The following STK11IP variants were observed in gnomAD, a reference collection of about 807,000 sequenced individuals.
STK11IP encodes the protein serine/threonine-protein kinase 11-interacting protein.
In STK11IP, 103 loss-of-function variants were observed where a neutral mutation model predicts 131.7. That is an observed-to-expected ratio of 0.78 (90% CI 0.67 to 0.92). The LOEUF (loss-of-function observed/expected upper bound fraction) is 0.92. Among genes scored for constraint, STK11IP ranks in the 40% least tolerant of loss-of-function variants. The pLI, the probability that STK11IP is intolerant of heterozygous loss-of-function variation, is 0.00. For missense variants in STK11IP, 1,315 were observed against 1,385.7 expected (o/e 0.95, Z 0.81); for synonymous variants, 557 against 575.6 (o/e 0.97, Z 0.46).
At position 219,597,893 on chromosome 2, in the gene STK11IP, A is replaced by C; in HGVS notation, c.-57A>C. The C allele has an allele frequency of 6.2e-7, 1 of 1,610,086 alleles. No individual in the cohort carries two copies. The highest frequency in any genetic ancestry group is 8.5e-7 in the Non-Finnish European group (1 of 1,178,240). ...ATCATTGATAGGCGCCGGGCAGCTG[A>C]GCTGGTAGGAGGACCAGACGGGGAG... On this transcript the variant is annotated 5_prime_UTR_variant, in exon 1 of 25. Coordinates refer to ENST00000456909, the MANE Select transcript of STK11IP (RefSeq NM_052902.4).
At chr2:219,610,304 A>G (rs1305036558) in intron 17 of STK11IP, among the ~76,000 whole-genome samples, 1 of 152,120 alleles carries the variant, frequency 6.6e-6, no homozygotes, top group Non-Finnish European at 1.5e-5. Flanking sequence ...CCCCTCCCGG[A>G]CCCTGGCTGT....
intron 19 of STK11IP, 103 bp downstream of exon 19, chr2:219,612,161 T>C: frequency 9.3e-7 from 1 of 1,076,594 alleles, no homozygotes; most frequent in Non-Finnish European, 1.4e-6. Context: ...AGACCTGATC[T>C]GGCTTCTGGT....
chr2:219,616,309 C>A lies in STK11IP; in HGVS notation c.*116C>A. On this transcript the variant is annotated 3_prime_UTR_variant, in exon 25 of 25. Coordinates refer to ENST00000456909, the MANE Select transcript of STK11IP (RefSeq NM_052902.4). ...TGTGGATGTCTTCAGCCTCTGGGTG[C>A]TGGCCAGTGAGGTCCCAAATGACCC... 7.3e-7 allele frequency: 1 copy of A among 1,379,102 alleles called. No individual in the cohort carries two copies. The highest frequency in any genetic ancestry group is 9.7e-7 in the Non-Finnish European group (1 of 1,030,340). The allele number at this position is 1,379,102 out of a possible 1,614,324, so 85.4% of individuals were successfully genotyped here.
chr2:219,608,904 A>AGG (rs916470072), intron 15 of STK11IP, 116 bp downstream of exon 15: 2 of 1,259,902 alleles, frequency 1.6e-6, no homozygotes, highest in African/African-American at 3.0e-5. Context: ...GGAGCCGAGG[A>AGG]GGGGAGCCTC....
intron 12 of STK11IP, 26 bp from the exon 13 acceptor site, chr2:219,607,027 G>T (rs1178791588): frequency 6.2e-7 from 1 of 1,613,770 alleles, no homozygotes; most frequent in Admixed American, 1.7e-5. Context: ...GGCTTTCACA[G>T]AACTTCTTCC....
In STK11IP at chr2:219,598,150, T is replaced by TGGAAGCTCGCGGGGTTGCTGC; in HGVS notation, c.34_54dup (p.Lys12_Arg18dup). The stretch of plus-strand genomic sequence containing the variant: ...GACCGCTCAGAGGGACTCCCTGTTG[T>TGGAAGCTCGCGGGGTTGCTGC]GGAAGCTCGCGGGGTTGCTGCGGGA... On this transcript the variant is annotated inframe_insertion, in exon 2 of 25. Coordinates refer to ENST00000456909, the MANE Select transcript of STK11IP (RefSeq NM_052902.4). The TGGAAGCTCGCGGGGTTGCTGC allele has an allele frequency of 6.3e-7, 1 of 1,581,780 alleles. No homozygotes were observed. The highest frequency in any genetic ancestry group is 8.6e-7 in the Non-Finnish European group (1 of 1,163,624).
intron 2 of STK11IP, among the ~76,000 whole-genome samples, chr2:219,599,602 G>A (rs1479269272): frequency 6.6e-6 from 1 of 152,226 alleles, no homozygotes; most frequent in African/African-American, 2.4e-5. Context: ...GTGTGAATGT[G>A]TGACTACAAG....
intron 3 of STK11IP, 77 bp downstream of exon 3, chr2:219,601,517 C>G: frequency 1.3e-6 from 2 of 1,564,470 alleles, no homozygotes; most frequent in Non-Finnish European, 1.7e-6. Flanking sequence ...GGTAGGGGTG[C>G]AGAAGTCTGC....
At chr2:219,604,606 C>G (rs916589637) in intron 7 of STK11IP, among the ~76,000 whole-genome samples, 13 of 152,148 alleles carry the variant, frequency 8.5e-5, no homozygotes, top group African/African-American at 3.1e-4. Context: ...ATGGTTGGAG[C>G]AGACTATAAA....
intron 23 of STK11IP, 87 bp downstream of exon 23, chr2:219,614,633 G>T (rs746176896): frequency 3.8e-6 from 5 of 1,327,292 alleles, no homozygotes; most frequent in Non-Finnish European, 5.4e-6. Context: ...CCTGTACAGT[G>T]CCCTTGCAGC....
intron 7 of STK11IP, 41 bp from the exon 8 acceptor site, chr2:219,605,567 G>T: frequency 6.5e-7 from 1 of 1,549,470 alleles, no homozygotes; most frequent in South Asian, 1.2e-5. Context: ...GCTAGAGTTT[G>T]GTCAACGAGA....
chr2:219,604,794 G>T (rs1308785713), intron 7 of STK11IP, among the ~76,000 whole-genome samples: 1 of 151,922 alleles, frequency 6.6e-6, no homozygotes, highest in Non-Finnish European at 1.5e-5. Context: ...CCTGAACAGA[G>T]CCTGGAAGAT....
At chr2:219,603,258 T>A (rs1698049578) in intron 7 of STK11IP, among the ~76,000 whole-genome samples, 1 of 152,090 alleles carries the variant, frequency 6.6e-6, no homozygotes, top group Admixed American at 6.6e-5. Context: ...GTCAGGCTGG[T>A]CTTGAACTGC....
At chr2:219,615,363 G>T in intron 24 of STK11IP, 22 bp downstream of exon 24, 1 of 1,584,316 alleles carries the variant, frequency 6.3e-7, no homozygotes. Context: ...TATCTCCAGT[G>T]AGAGGGAGGG....
intron 19 of STK11IP, 67 bp downstream of exon 19, chr2:219,612,125 C>A: frequency 7.0e-7 from 1 of 1,427,662 alleles, no homozygotes; most frequent in Non-Finnish European, 9.6e-7. Flanking sequence ...CCATCACAGC[C>A]AACTGAGTCA....
At chr2:219,614,568 T>C (rs1351597231) in intron 23 of STK11IP, 22 bp downstream of exon 23, 1 of 1,612,680 alleles carries the variant, frequency 6.2e-7, no homozygotes, top group Non-Finnish European at 8.5e-7. Context: ...GTGCAGCTGA[T>C]GCTTCCCTGG....
chr2:219,602,209 C>T (rs952151138), intron 5 of STK11IP, 126 bp downstream of exon 5: 1 of 725,848 alleles, frequency 1.4e-6, no homozygotes, highest in African/African-American at 1.8e-5. Context: ...GTCCTCACTC[C>T]CTCTCTGTGT....
chr2:219,613,949 A>AGGCAGGAGGGTG lies in STK11IP; in HGVS notation c.2716+38_2716+49dup, dbSNP rs137995331. The AGGCAGGAGGGTG allele has an allele frequency of 3.5e-6, 2 of 564,454 alleles. No individual in the cohort carries two copies. Among genetic ancestry groups the AGGCAGGAGGGTG allele is most frequent in the South Asian group, 1.7e-5 (1 of 59,888 alleles). The allele number at this position is 564,454 out of a possible 1,614,324, so 35.0% of individuals were successfully genotyped here. A position where few individuals can be genotyped will look rare whatever the true frequency, so the allele number is the denominator to read the frequency against. On this transcript the variant is annotated intron_variant, in intron 21 of 24. Coordinates refer to ENST00000456909, the MANE Select transcript of STK11IP (RefSeq NM_052902.4). ...CTCCTTGGTGAGAGAGGGGAGGGGA[A>AGGCAGGAGGGTG]GGCAGGAGGGTGGGCAGGAGGGTGG...
At position 219,613,738 on chromosome 2, in the gene STK11IP, C is replaced by T. The variant is rs765379048; in HGVS notation, c.2538-14C>T. The stretch of plus-strand genomic sequence containing the variant: ...TCTCATGCTTCTCCATTGCTCTGTC[C>T]CCTCTCTCCACAGTGAGCCTCCAGC... On this transcript the variant is annotated splice_polypyrimidine_tract_variant and intron_variant, in intron 20 of 24. Transcript: ENST00000456909. 4.8e-5 allele frequency: 78 copies of T among 1,612,194 alleles called. No homozygotes were observed. The highest frequency in any genetic ancestry group is 6.1e-5 in the Non-Finnish European group (72 of 1,179,570).
Sources: gnomAD v4.1 joint callset for allele counts (sites outside exome capture counted in the v4.1 genomes callset) on GRCh38, gnomAD v4.1.1 for gene constraint, MANE v1.5 for transcripts, NCBI Gene and HGNC (gene_info 2026-07-23, HGNC 2026-07-21) for gene names.